LRRTM3: variants seen among roughly 807,000 people sequenced by gnomAD.
LRRTM3 encodes leucine rich repeat transmembrane neuronal 3, also known as leucine-rich repeat transmembrane neuronal protein 3.
LRRTM3 carries 24 observed loss-of-function variants against 44.7 expected under a neutral mutation model. That is an observed-to-expected ratio of 0.54 (90% CI 0.39 to 0.76). LRRTM3 has a LOEUF of 0.76. Ranked by LOEUF, LRRTM3 falls within the 30% of genes least tolerant of loss-of-function variation. LRRTM3 has a pLI of 0.00. For synonymous variants in LRRTM3, 277 were observed against 278.7 expected (o/e 0.99, Z 0.06); for missense variants, 587 against 702.2 (o/e 0.84, Z 1.85).
At chr10:66,960,552 A>T (rs1046671798) in intron 2 of LRRTM3, among the ~76,000 whole-genome samples, 2 of 152,202 alleles carry the variant, frequency 1.3e-5, no homozygotes, top group African/African-American at 4.8e-5. Flanking sequence ...AATACAAGTT[A>T]ATTATTCACA....
chr10:67,045,582 C>G (rs1237330384), intron 2 of LRRTM3, among the ~76,000 whole-genome samples: 2 of 152,164 alleles, frequency 1.3e-5, no homozygotes, highest in Admixed American at 1.3e-4. Flanking sequence ...CCACGAACTT[C>G]CATTGCGTGA....
At chr10:67,031,074 G>A (rs182717517) in intron 2 of LRRTM3, among the ~76,000 whole-genome samples, 38 of 152,192 alleles carry the variant, frequency 2.5e-4, no homozygotes, top group Non-Finnish European at 4.7e-4. Context: ...ATTTTACCCC[G>A]TCATACTTGA....
At chr10:67,023,149 T>C (rs1319138608) in intron 2 of LRRTM3, among the ~76,000 whole-genome samples, 1 of 152,122 alleles carries the variant, frequency 6.6e-6, no homozygotes, top group East Asian at 1.9e-4. Context: ...TAGATTCTAA[T>C]ATTTATGTGG....
intron 2 of LRRTM3, among the ~76,000 whole-genome samples, chr10:67,059,229 T>A (rs1160595162): frequency 6.6e-6 from 1 of 152,206 alleles, no homozygotes; most frequent in Non-Finnish European, 1.5e-5. Context: ...ATGAGCCAGA[T>A]CACCATTTTC....
intron 2 of LRRTM3, among the ~76,000 whole-genome samples, chr10:66,934,178 T>A (rs1452178881): frequency 6.6e-6 from 1 of 152,132 alleles, no homozygotes; most frequent in Admixed American, 6.5e-5. Flanking sequence ...ATCCATTTTA[T>A]TGAAAAAAAA....
At chr10:67,061,664 C>T (rs1253369722) in intron 2 of LRRTM3, among the ~76,000 whole-genome samples, 1 of 152,212 alleles carries the variant, frequency 6.6e-6, no homozygotes, top group Non-Finnish European at 1.5e-5. Context: ...CCTGTCCTCA[C>T]ATCTGGTCAA....
At chr10:67,090,151 A>G (rs1408992690) in intron 2 of LRRTM3, among the ~76,000 whole-genome samples, 1 of 152,104 alleles carries the variant, frequency 6.6e-6, no homozygotes, top group Non-Finnish European at 1.5e-5. Context: ...ACATATATGT[A>G]TCCAGGAGTA....
intron 2 of LRRTM3, among the ~76,000 whole-genome samples, chr10:66,986,259 A>G (rs934698104): frequency 5.9e-5 from 9 of 152,086 alleles, no homozygotes; most frequent in Non-Finnish European, 8.8e-5. Context: ...AGGCTTTGAG[A>G]GGCCGAGGCA....
intron 2 of LRRTM3, among the ~76,000 whole-genome samples, chr10:67,075,386 C>G (rs566832030): frequency 1.3e-5 from 2 of 152,162 alleles, no homozygotes; most frequent in South Asian, 4.2e-4. Context: ...GAGAGAGATG[C>G]CAGTTTTACT....
chr10:67,045,662 C>A (rs1854689477), intron 2 of LRRTM3, among the ~76,000 whole-genome samples: 1 of 152,176 alleles, frequency 6.6e-6, no homozygotes, highest in Non-Finnish European at 1.5e-5. Context: ...CGCACTGGAC[C>A]CTAGTCCTGG....
intron 2 of LRRTM3, among the ~76,000 whole-genome samples, chr10:67,059,904 T>C (rs914980523): frequency 6.6e-6 from 1 of 152,184 alleles, no homozygotes; most frequent in East Asian, 1.9e-4. Context: ...TTAGGTGCCA[T>C]AGGGACACCA....
intron 2 of LRRTM3, among the ~76,000 whole-genome samples, chr10:67,002,769 T>C (rs1851758997): frequency 6.6e-6 from 1 of 152,108 alleles, no homozygotes; most frequent in South Asian, 2.1e-4. Flanking sequence ...CCATATTTCA[T>C]ATATAATTGC....
intron 2 of LRRTM3, among the ~76,000 whole-genome samples, chr10:67,024,692 T>G (rs1853243276): frequency 6.6e-6 from 1 of 152,214 alleles, no homozygotes; most frequent in African/African-American, 2.4e-5. Context: ...TCATTGATCT[T>G]GTTAATGCTC....
chr10:66,996,535 C>T (rs999387059), intron 2 of LRRTM3, among the ~76,000 whole-genome samples: 1 of 150,502 alleles, frequency 6.6e-6, no homozygotes, highest in South Asian at 2.1e-4. Context: ...GTAGTCCCAG[C>T]TACTCAGGAG....
At chr10:67,043,728 A>G (rs1854552040) in intron 2 of LRRTM3, among the ~76,000 whole-genome samples, 2 of 152,092 alleles carry the variant, frequency 1.3e-5, no homozygotes, top group East Asian at 1.9e-4. Context: ...ATGTCTTTTC[A>G]TCTATCATTG....
intron 2 of LRRTM3, among the ~76,000 whole-genome samples, chr10:67,032,412 G>A (rs1182195177): frequency 3.9e-5 from 6 of 151,938 alleles, no homozygotes; most frequent in South Asian, 2.1e-4. Flanking sequence ...CATATTTAAC[G>A]GGTTGATTTC....
chr10:66,947,042 C>T (rs984051137), intron 2 of LRRTM3, among the ~76,000 whole-genome samples: 1 of 152,030 alleles, frequency 6.6e-6, no homozygotes, highest in African/African-American at 2.4e-5. Context: ...TGTTTTCAGC[C>T]CCAAATCCCT....
chr10:67,020,422 G>C (rs554886988), intron 2 of LRRTM3, among the ~76,000 whole-genome samples: 1 of 152,208 alleles, frequency 6.6e-6, no homozygotes, highest in South Asian at 2.1e-4. Flanking sequence ...TGGCAGCAGG[G>C]ATATTGTAAC....
chr10:67,009,426 C>T (rs1249105061), intron 2 of LRRTM3, among the ~76,000 whole-genome samples: 4 of 151,958 alleles, frequency 2.6e-5, no homozygotes, highest in African/African-American at 4.8e-5. Flanking sequence ...TGAAAGCTTT[C>T]GTGTTTCTCT....
Sources: allele counts gnomAD v4.1 joint callset (sites outside exome capture counted in the v4.1 genomes callset), GRCh38; gene constraint gnomAD v4.1.1; transcripts MANE v1.5; gene names NCBI Gene and HGNC (gene_info 2026-07-23, HGNC 2026-07-21).